TENM3: variants seen among roughly 807,000 people sequenced by gnomAD.
TENM3 encodes teneurin-3.
In TENM3, 63 loss-of-function variants were observed where a neutral mutation model predicts 255.1. The ratio of observed to expected loss-of-function variants is 0.25; its 90% confidence interval spans 0.20 to 0.30. The LOEUF (loss-of-function observed/expected upper bound fraction) is 0.30. Ranked by LOEUF, TENM3 falls within the 10% of genes least tolerant of loss-of-function variation. The pLI is 1.00. For missense variants in TENM3, 2,929 were observed against 3,461.1 expected (o/e 0.85, Z 3.86); for synonymous variants, 1,306 against 1,322.3 (o/e 0.99, Z 0.27).
the TENM3 span, among the ~76,000 whole-genome samples, chr4:182,108,046 T>C: frequency 6.6e-6 from 1 of 152,156 alleles, no homozygotes; most frequent in Non-Finnish European, 1.5e-5. Context: ...GTAAAACAAG[T>C]GACATAACTT....
At chr4:181,527,353 TTTTA>T in the TENM3 span, among the ~76,000 whole-genome samples, 1 of 152,072 alleles carries the variant, frequency 6.6e-6, no homozygotes, top group Admixed American at 6.6e-5. Context: ...TTTTGGGTGT[TTTTA>T]TTTGTTTTTG....
chr4:181,916,827 G>A, the TENM3 span, among the ~76,000 whole-genome samples: 455 of 152,118 alleles, frequency 3.0e-3, 5 homozygotes, highest in African/African-American at 0.01. Flanking sequence ...CAGTGGCCGG[G>A]ATCGCGCCAC....
chr4:181,990,817 C>A, the TENM3 span, among the ~76,000 whole-genome samples: 1 of 152,090 alleles, frequency 6.6e-6, no homozygotes, highest in Non-Finnish European at 1.5e-5. Context: ...ATTTAGAATG[C>A]CAAGCAGACA....
At chr4:181,765,698 C>T in the TENM3 span, among the ~76,000 whole-genome samples, 2 of 152,108 alleles carry the variant, frequency 1.3e-5, no homozygotes, top group African/African-American at 4.8e-5. Context: ...TAATGAGGCA[C>T]AATAAACACT....
the TENM3 span, among the ~76,000 whole-genome samples, chr4:181,521,878 C>T: frequency 6.6e-6 from 1 of 151,914 alleles, no homozygotes; most frequent in African/African-American, 2.4e-5. Flanking sequence ...GGGCAGATCA[C>T]GAGGTCAGGA....
At chr4:182,519,846 A>G (rs1738376502) in intron 3 of TENM3, among the ~76,000 whole-genome samples, 4 of 152,292 alleles carry the variant, frequency 2.6e-5, no homozygotes, top group South Asian at 4.1e-4. Flanking sequence ...GAATTTCTAA[A>G]CATTGGTGAC....
intron 1 of TENM3, among the ~76,000 whole-genome samples, chr4:182,188,222 G>C (rs1193422619): frequency 1.3e-5 from 2 of 152,080 alleles, no homozygotes; most frequent in Admixed American, 6.6e-5. Flanking sequence ...TTGAGAGTCA[G>C]AAAAATTACA....
At chr4:181,519,430 T>C in the TENM3 span, among the ~76,000 whole-genome samples, 2 of 152,210 alleles carry the variant, frequency 1.3e-5, no homozygotes, top group Non-Finnish European at 2.9e-5. Context: ...ACACTAAAAG[T>C]CTTTTTTATT....
the TENM3 span, among the ~76,000 whole-genome samples, chr4:181,690,973 T>C: frequency 6.6e-6 from 1 of 152,194 alleles, no homozygotes; most frequent in African/African-American, 2.4e-5. Context: ...GACGGCTCTC[T>C]CCTTTTGCTT....
At chr4:181,913,264 CT>C in the TENM3 span, among the ~76,000 whole-genome samples, 1 of 152,098 alleles carries the variant, frequency 6.6e-6, no homozygotes, top group Non-Finnish European at 1.5e-5. Flanking sequence ...TAAAATATAC[CT>C]TGCAAACAAA....
At chr4:181,623,159 CA>C in the TENM3 span, among the ~76,000 whole-genome samples, 152 of 152,238 alleles carry the variant, frequency 1.0e-3, no homozygotes, top group African/African-American at 3.7e-3. Flanking sequence ...ATCAGTATTC[CA>C]TCAGACCTGG....
chr4:182,600,941 C>T lies in TENM3; in HGVS notation c.529C>T (p.Gln177Ter). The T allele has an allele frequency of 3.7e-6, 3 of 817,448 alleles. No individual in the cohort carries two copies. Among genetic ancestry groups the T allele is most frequent in the South Asian group, 1.5e-5 (1 of 68,840 alleles). The allele number at this position is 817,448 out of a possible 1,614,324, so 50.6% of individuals were successfully genotyped here. The stretch of plus-strand genomic sequence containing the variant: ...TTTTTCAGAGCAACCTGCAAGCAAT[C>T]AAGGCCAGTCTACCCTGCAGCCCTT... ...DSENEQPASN[Q>*]GQSTLQPLPP... is the part of the protein sequence containing the mutation. Residue 177 changes from glutamine to a stop codon, truncating the protein, a stop_gained, in exon 4 of 28, where the codon CAA becomes TAA. Transcript: ENST00000511685. LOFTEE classifies it high-confidence loss of function.
At chr4:181,804,322 T>G in the TENM3 span, among the ~76,000 whole-genome samples, 6 of 152,310 alleles carry the variant, frequency 3.9e-5, no homozygotes, top group South Asian at 1.0e-3. Flanking sequence ...TTCTAACTGG[T>G]TTGCAAACTT....
At chr4:181,947,807 T>C in the TENM3 span, among the ~76,000 whole-genome samples, 4 of 152,158 alleles carry the variant, frequency 2.6e-5, no homozygotes, top group Non-Finnish European at 5.9e-5. Flanking sequence ...AAATCTGAAC[T>C]GTAAAATGAA....
chr4:182,226,823 C>T lies in TENM3; in HGVS notation c.-76+82069C>T, dbSNP rs536787514. Among the ~76,000 whole-genome samples the T allele has an allele frequency of 1.6e-4, 24 of 152,302 alleles. 1 individual carries two copies. The South Asian group carries it at 4.6e-3, about 29-fold the overall frequency. On this transcript the variant is annotated intron_variant, in intron 1 of 2. Transcript: ENST00000512480. ...AAACATAAAGTGACTTGCTCCAAGTCAGTGGGTCCCTCTCTGCCACTCCAC... is the reference window on the plus strand; with the variant it reads ...AAACATAAAGTGACTTGCTCCAAGTTAGTGGGTCCCTCTCTGCCACTCCAC...
chr4:181,617,117 G>A, the TENM3 span, among the ~76,000 whole-genome samples: 1 of 152,018 alleles, frequency 6.6e-6, no homozygotes, highest in Non-Finnish European at 1.5e-5. Flanking sequence ...ACAAAATTAT[G>A]CATATAAATC....
the TENM3 span, among the ~76,000 whole-genome samples, chr4:181,693,019 A>C: frequency 6.6e-6 from 1 of 152,184 alleles, no homozygotes; most frequent in Non-Finnish European, 1.5e-5. Context: ...AAGGGATAGA[A>C]GAACCAGAGG....
intron 4 of TENM3, among the ~76,000 whole-genome samples, chr4:182,610,137 T>G (rs746593978): frequency 1.3e-5 from 2 of 152,216 alleles, no homozygotes; most frequent in African/African-American, 2.4e-5. Context: ...AAAAGAGAAT[T>G]TGTTTTAGAA....
the TENM3 span, among the ~76,000 whole-genome samples, chr4:181,701,983 T>C: frequency 6.6e-6 from 1 of 152,200 alleles, no homozygotes; most frequent in East Asian, 1.9e-4. Flanking sequence ...CAGGATCTGT[T>C]GACCAGAAGC....
Sources: allele counts gnomAD v4.1 joint callset (sites outside exome capture counted in the v4.1 genomes callset), GRCh38; gene constraint gnomAD v4.1.1; transcripts MANE v1.5; gene names NCBI Gene and HGNC (gene_info 2026-07-23, HGNC 2026-07-21).